The following TNFSF4 variants were observed in gnomAD, a reference collection of about 807,000 sequenced individuals.
TNFSF4 encodes tumor necrosis factor ligand superfamily member 4.
TNFSF4 carries 4 observed loss-of-function variants against 7.3 expected under a neutral mutation model. That is an observed-to-expected ratio of 0.55 (90% CI 0.27 to 1.25). The LOEUF is 1.25. Among genes scored for constraint, TNFSF4 ranks in the 50% most tolerant of loss-of-function variants. The probability of loss-of-function intolerance (pLI) is 0.12; values close to 1 mark genes in which losing one functional copy is unlikely to be tolerated. For missense variants in TNFSF4, 181 were observed against 208.8 expected (o/e 0.87, Z 0.82); for synonymous variants, 76 against 83.7 (o/e 0.91, Z 0.50).
chr1:173,388,742 A>G, the TNFSF4 span, among the ~76,000 whole-genome samples: 4 of 152,382 alleles, frequency 2.6e-5, no homozygotes, highest in East Asian at 7.7e-4. Context: ...ATGTTAACAA[A>G]TAATGGGTTT....
the TNFSF4 span, among the ~76,000 whole-genome samples, chr1:173,256,556 G>A: frequency 1.3e-5 from 2 of 152,222 alleles, no homozygotes; most frequent in African/African-American, 4.8e-5. Flanking sequence ...TTGGGGGAAG[G>A]GGACACAATT....
the TNFSF4 span, among the ~76,000 whole-genome samples, chr1:173,319,338 A>C: frequency 6.6e-6 from 1 of 152,220 alleles, no homozygotes; most frequent in Non-Finnish European, 1.5e-5. Context: ...CAGCAGCCCC[A>C]GTCAGGGGCT....
the TNFSF4 span, among the ~76,000 whole-genome samples, chr1:173,173,827 T>G: frequency 6.6e-6 from 1 of 152,168 alleles, no homozygotes; most frequent in East Asian, 1.9e-4. Context: ...ATCCTTCCTT[T>G]CCAGGCCTCA....
chr1:173,348,699 T>A, the TNFSF4 span, among the ~76,000 whole-genome samples: 2 of 152,104 alleles, frequency 1.3e-5, no homozygotes, highest in Non-Finnish European at 2.9e-5. Context: ...CACAAATTAT[T>A]AGTATCATGC....
At chr1:173,231,123 C>G in the TNFSF4 span, among the ~76,000 whole-genome samples, 1 of 152,202 alleles carries the variant, frequency 6.6e-6, no homozygotes, top group African/African-American at 2.4e-5. Context: ...GATACCAAAG[C>G]TTGGCAGAGA....
chr1:173,399,485 C>T, the TNFSF4 span, among the ~76,000 whole-genome samples: 1 of 151,884 alleles, frequency 6.6e-6, no homozygotes, highest in Non-Finnish European at 1.5e-5. Flanking sequence ...TAGAAGTATA[C>T]AGTAATTCAT....
chr1:173,444,196 C>T, the TNFSF4 span, among the ~76,000 whole-genome samples: 9 of 152,154 alleles, frequency 5.9e-5, no homozygotes, highest in African/African-American at 2.2e-4. Flanking sequence ...CGACCCCTTT[C>T]TCCAACACAG....
chr1:173,398,431 T>G, the TNFSF4 span, among the ~76,000 whole-genome samples: 1,272 of 124,478 alleles, frequency 0.01, 13 homozygotes, highest in African/African-American at 0.036. Context: ...TTTTTTTTTT[T>G]GTTCTCTTTT....
At chr1:173,255,039 G>A in the TNFSF4 span, among the ~76,000 whole-genome samples, 1 of 152,166 alleles carries the variant, frequency 6.6e-6, no homozygotes, top group African/African-American at 2.4e-5. Flanking sequence ...GGTCTGAGAA[G>A]TTGCTGGGGA....
chr1:173,416,783 G>A, the TNFSF4 span, among the ~76,000 whole-genome samples: 1 of 151,970 alleles, frequency 6.6e-6, no homozygotes, highest in Middle Eastern at 3.4e-3. Context: ...TTTTAGTAGA[G>A]ACAGGGTTTC....
chr1:173,303,394 C>G, the TNFSF4 span, among the ~76,000 whole-genome samples: 1 of 151,872 alleles, frequency 6.6e-6, no homozygotes, highest in South Asian at 2.1e-4. Flanking sequence ...GACTTTCCCC[C>G]CACCTCCCTC....
chr1:173,194,286 C>G (rs1023615028), intron 1 of TNFSF4, among the ~76,000 whole-genome samples: 1 of 152,220 alleles, frequency 6.6e-6, no homozygotes, highest in Non-Finnish European at 1.5e-5. Flanking sequence ...ACTTGCTATG[C>G]AGCAGTTATT....
the TNFSF4 span, among the ~76,000 whole-genome samples, chr1:173,403,642 G>A: frequency 1.3e-5 from 2 of 152,188 alleles, no homozygotes; most frequent in African/African-American, 2.4e-5. Flanking sequence ...GGTGGCTCAC[G>A]CCTGTAATCC....
the TNFSF4 span, among the ~76,000 whole-genome samples, chr1:173,438,604 T>C: frequency 6.6e-6 from 1 of 152,226 alleles, no homozygotes; most frequent in Admixed American, 6.5e-5. Context: ...TATTTTCTGA[T>C]ATATAGAATT....
At chr1:173,208,754 A>G (rs1439762862), upstream of TNFSF4, among the ~76,000 whole-genome samples, 1 of 152,160 alleles carries the variant, frequency 6.6e-6, no homozygotes, top group Non-Finnish European at 1.5e-5. Flanking sequence ...ATCAGTGTGT[A>G]AAGCCCAATT....
At chr1:173,346,152 T>C in the TNFSF4 span, among the ~76,000 whole-genome samples, 1 of 152,180 alleles carries the variant, frequency 6.6e-6, no homozygotes, top group Non-Finnish European at 1.5e-5. Context: ...CCACTGATGA[T>C]TCGCTCATCC....
the TNFSF4 span, among the ~76,000 whole-genome samples, chr1:173,348,617 A>C: frequency 6.6e-6 from 1 of 152,210 alleles, no homozygotes; most frequent in Non-Finnish European, 1.5e-5. Context: ...ACAAAGCCAA[A>C]AGCTAGTCCT....
the TNFSF4 span, among the ~76,000 whole-genome samples, chr1:173,376,934 C>G: frequency 1.3e-5 from 2 of 152,098 alleles, no homozygotes; most frequent in East Asian, 3.9e-4. Context: ...ACAAACAACT[C>G]CGGACGCACC....
the TNFSF4 span, among the ~76,000 whole-genome samples, chr1:173,292,814 A>G: frequency 1.3e-5 from 2 of 152,152 alleles, no homozygotes; most frequent in East Asian, 3.9e-4. Flanking sequence ...TATAAAATCA[A>G]TGTACAAAAA....
Sources: allele counts gnomAD v4.1 joint callset (sites outside exome capture counted in the v4.1 genomes callset), GRCh38; gene constraint gnomAD v4.1.1; transcripts MANE v1.5; gene names NCBI Gene and HGNC (gene_info 2026-07-23, HGNC 2026-07-21).